The following SERPINB10 variants were observed in gnomAD, a reference collection of about 807,000 sequenced individuals.
SERPINB10 encodes the protein serpin B10.
A neutral mutation model predicts 39.1 loss-of-function variants in SERPINB10; 35 were observed. That is an observed-to-expected ratio of 0.90 (90% CI 0.68 to 1.19). SERPINB10 has a LOEUF of 1.19. SERPINB10 is among the 50% of genes most tolerant of loss of function. SERPINB10 has a pLI of 0.00. For synonymous variants in SERPINB10, 190 were observed against 158.1 expected (o/e 1.20, Z -1.52); for missense variants, 546 against 460.5 (o/e 1.19, Z -1.70).
At chr18:63,931,920 A>G (rs537562048) in intron 6 of SERPINB10, among the ~76,000 whole-genome samples, 64 of 152,234 alleles carry the variant, frequency 4.2e-4, no homozygotes, top group Middle Eastern at 6.8e-3. Flanking sequence ...CTGTTCATCC[A>G]TTCCCCCTAA....
intron 1 of SERPINB10, among the ~76,000 whole-genome samples, chr18:63,911,982 G>C (rs2050068243): frequency 6.6e-6 from 1 of 151,730 alleles, no homozygotes; most frequent in African/African-American, 2.4e-5. Context: ...ACTTTGTAGA[G>C]ATCTTTCAAT....
intron 1 of SERPINB10, among the ~76,000 whole-genome samples, chr18:63,911,989 C>A (rs2050068323): frequency 6.6e-6 from 1 of 151,656 alleles, no homozygotes; most frequent in Non-Finnish European, 1.5e-5. Flanking sequence ...AGAGATCTTT[C>A]AATTTCTTCA....
chr18:63,930,964 G>A (rs947279941), intron 6 of SERPINB10, among the ~76,000 whole-genome samples: 1 of 152,214 alleles, frequency 6.6e-6, no homozygotes, highest in Non-Finnish European at 1.5e-5. Flanking sequence ...TGTAATGAAT[G>A]TGTGCAATAG....
intron 6 of SERPINB10, among the ~76,000 whole-genome samples, chr18:63,930,713 T>A (rs964040515): frequency 6.6e-6 from 1 of 152,124 alleles, no homozygotes; most frequent in African/African-American, 2.4e-5. Context: ...TTGTCAGGAT[T>A]TTTTCCTCTA....
rs2050253797 is a variant in SERPINB10, at chr18:63,935,168, C to T, written c.1120C>T (p.His374Tyr). Residue 374 changes from histidine to tyrosine, a missense_variant, in exon 8 of 8, where the codon CAC becomes TAC. His to Tyr is a moderately conservative substitution (Grantham distance 83). Transcript: ENST00000238508. Reference protein sequence around the residue: ...RVPSIEFNANHPFLFFIRHNK... With the variant: ...RVPSIEFNANYPFLFFIRHNK... ...CCCATCCATTGAATTCAATGCAAAT[C>T]ACCCATTCCTCTTCTTCATCAGGCA... 1 of 1,612,672 alleles carries T rather than the reference C, an allele frequency of 6.2e-7. No individual in the cohort carries two copies. The highest frequency in any genetic ancestry group is 8.5e-7 in the Non-Finnish European group (1 of 1,179,802).
At chr18:63,928,974 A>G (rs1331579890) in intron 5 of SERPINB10, among the ~76,000 whole-genome samples, 2 of 152,210 alleles carry the variant, frequency 1.3e-5, no homozygotes, top group Non-Finnish European at 2.9e-5. Flanking sequence ...CCATGTTCAC[A>G]TGTAAATCAA....
At position 63,934,899 on chromosome 18, in the gene SERPINB10, T is replaced by C; in HGVS notation, c.851T>C (p.Leu284Ser). 1 of 1,614,132 alleles carries C rather than the reference T, an allele frequency of 6.2e-7. No individual in the cohort carries two copies. The highest frequency in any genetic ancestry group is 8.5e-7 in the Non-Finnish European group (1 of 1,179,988). ...TGGACCAGTGCAGACATGATGGAGT[T>C]GTATGAAGTGCAGCTACACCTTCCC... The part of the protein sequence containing the change: ...NEWTSADMME[L>S]YEVQLHLPKF... Residue 284 changes from leucine (L) to serine (S), a missense_variant, in exon 8 of 8, where the codon TTG (leucine) becomes TCG (serine). Coordinates refer to ENST00000238508, the MANE Select transcript of SERPINB10 (RefSeq NM_005024.3).
intron 5 of SERPINB10, among the ~76,000 whole-genome samples, 161 bp downstream of exon 5, chr18:63,920,066 A>C (rs779745422): frequency 3.3e-5 from 5 of 152,054 alleles, no homozygotes; most frequent in Non-Finnish European, 7.4e-5. Flanking sequence ...TAATTTTTAG[A>C]TTCACTGCCT....
intron 5 of SERPINB10, 44 bp downstream of exon 5, chr18:63,919,949 A>G (rs1265070308): frequency 1.7e-6 from 2 of 1,179,830 alleles, no homozygotes; most frequent in African/African-American, 3.2e-5. Context: ...TTTCCCAAAC[A>G]TCCTTGTATT....
chr18:63,924,413 AG>A lies in SERPINB10; in HGVS notation c.490+4510del, dbSNP rs1443884520. The stretch of plus-strand genomic sequence containing the variant: ...TGTAGCCCATTGCTGGTACCCAGGG[AG>A]GTATAGAAAGTCAATAAACACAATT... On this transcript the variant is annotated intron_variant, in intron 5 of 7. Coordinates refer to ENST00000238508, the MANE Select transcript of SERPINB10 (RefSeq NM_005024.3). Among the ~76,000 whole-genome samples, 4 of 152,066 alleles carry A rather than the reference AG, an allele frequency of 2.6e-5. No individual in the cohort carries two copies. In the East Asian group the frequency reaches 5.8e-4, roughly 22 times the overall value.
intron 7 of SERPINB10, among the ~76,000 whole-genome samples, chr18:63,933,412 A>T (rs1215459426): frequency 1.3e-5 from 2 of 152,208 alleles, no homozygotes; most frequent in African/African-American, 2.4e-5. Flanking sequence ...TATAAAATTA[A>T]TATTACTGTT....
chr18:63,924,961 A>G (rs1015592051), intron 5 of SERPINB10, among the ~76,000 whole-genome samples: 3 of 152,000 alleles, frequency 2.0e-5, no homozygotes, highest in Non-Finnish European at 4.4e-5. Flanking sequence ...TACTTCGACT[A>G]TATATTTTAA....
At chr18:63,916,814 A>G (rs8085341) in intron 2 of SERPINB10, among the ~76,000 whole-genome samples, 16,956 of 152,064 alleles carry the variant, frequency 0.11, 2,203 homozygotes, top group African/African-American at 0.3. Context: ...TGTTCTGTTA[A>G]CATGGGTCAA....
chr18:63,925,579 T>C (rs1426182853), intron 5 of SERPINB10, among the ~76,000 whole-genome samples: 1 of 151,918 alleles, frequency 6.6e-6, no homozygotes, highest in Non-Finnish European at 1.5e-5. Flanking sequence ...AAATAAATAA[T>C]GATAGTAATG....
At position 63,935,062 on chromosome 18, in the gene SERPINB10, T is replaced by C; in HGVS notation, c.1014T>C (p.His338=). 6.2e-7 allele frequency: 1 copy of C among 1,614,206 alleles called. No individual in the cohort carries two copies. ...ARNLFLSNVF[H]KAFVEINEQG... The stretch of plus-strand genomic sequence containing the variant: ...ACCTATTTTTGTCCAATGTTTTCCA[T>C]AAGGCTTTTGTGGAAATAAATGAAC... The change falls in exon 8 of 8, where the codon CAT becomes CAC. Residue 338 remains histidine (H), a synonymous_variant. Transcript: ENST00000238508.
At chr18:63,916,739 A>G (rs73478050) in intron 2 of SERPINB10, among the ~76,000 whole-genome samples, 8,609 of 152,078 alleles carry the variant, frequency 0.057, 842 homozygotes, top group African/African-American at 0.19. Context: ...GGATGTTAAC[A>G]CTTTTAGTTG....
At chr18:63,923,902 A>G (rs1384442273) in intron 5 of SERPINB10, among the ~76,000 whole-genome samples, 1 of 151,938 alleles carries the variant, frequency 6.6e-6, no homozygotes, top group Non-Finnish European at 1.5e-5. Context: ...CAATCTATTC[A>G]AGAGTTTTAT....
intron 1 of SERPINB10, among the ~76,000 whole-genome samples, chr18:63,913,185 G>A (rs1218495947): frequency 6.6e-6 from 1 of 151,338 alleles, no homozygotes; most frequent in African/African-American, 2.4e-5. Context: ...TGTTAATCTA[G>A]CCTGCAGTCT....
intron 5 of SERPINB10, among the ~76,000 whole-genome samples, chr18:63,929,241 T>C (rs879561149): frequency 4.9e-4 from 74 of 152,166 alleles, no homozygotes; most frequent in Admixed American, 8.5e-4. Flanking sequence ...TGAAGGAAAA[T>C]AAAGGTTCAT....
Sources: allele counts gnomAD v4.1 joint callset (sites outside exome capture counted in the v4.1 genomes callset), GRCh38; gene constraint gnomAD v4.1.1; transcripts MANE v1.5; gene names NCBI Gene and HGNC (gene_info 2026-07-23, HGNC 2026-07-21).